CHST11: variants seen among roughly 807,000 people sequenced by gnomAD.
CHST11 encodes the protein C4S-1.
In CHST11, 9 loss-of-function variants were observed where a neutral mutation model predicts 30.4. That is an observed-to-expected ratio of 0.30 (90% CI 0.18 to 0.52). The LOEUF is 0.52. CHST11 is among the 20% of genes least tolerant of loss of function. The pLI, the probability that CHST11 is intolerant of heterozygous loss-of-function variation, is 0.97. For missense variants in CHST11, 348 were observed against 460.6 expected (o/e 0.76, Z 2.24); for synonymous variants, 152 against 187.8 (o/e 0.81, Z 1.56).
At chr12:104,664,851 A>G (rs1262739525) in intron 2 of CHST11, among the ~76,000 whole-genome samples, 2 of 152,232 alleles carry the variant, frequency 1.3e-5, no homozygotes, top group African/African-American at 2.4e-5. Flanking sequence ...CATGTCACCA[A>G]TGTAGGCCCA....
intron 2 of CHST11, among the ~76,000 whole-genome samples, chr12:104,689,975 G>A (rs2039882310): frequency 6.6e-6 from 1 of 151,968 alleles, no homozygotes; most frequent in African/African-American, 2.4e-5. Context: ...AAACTGGGTC[G>A]ATTCAACCCA....
At chr12:104,574,650 A>T (rs1031782583) in intron 1 of CHST11, among the ~76,000 whole-genome samples, 1 of 149,218 alleles carries the variant, frequency 6.7e-6, no homozygotes, top group African/African-American at 2.4e-5. Context: ...ATAGGTGGGA[A>T]TTGAACAATG....
intron 2 of CHST11, among the ~76,000 whole-genome samples, chr12:104,620,888 T>TA (rs2039153070): frequency 6.6e-6 from 1 of 152,200 alleles, no homozygotes; most frequent in Non-Finnish European, 1.5e-5. Flanking sequence ...TTGAGTCTCC[T>TA]TCCCCAGGAT....
intron 1 of CHST11, among the ~76,000 whole-genome samples, chr12:104,483,064 C>G (rs553861212): frequency 2.6e-5 from 4 of 152,248 alleles, no homozygotes; most frequent in African/African-American, 7.2e-5. Context: ...TTCATTGATA[C>G]CCACATGCCT....
intron 1 of CHST11, among the ~76,000 whole-genome samples, chr12:104,562,423 T>C (rs145898923): frequency 2.2e-4 from 33 of 152,238 alleles, no homozygotes; most frequent in Non-Finnish European, 3.4e-4. Flanking sequence ...TGAGTTACTC[T>C]GGTAGGAAAA....
chr12:104,662,770 T>C (rs1396253489), intron 2 of CHST11, among the ~76,000 whole-genome samples: 1 of 152,226 alleles, frequency 6.6e-6, no homozygotes, highest in Non-Finnish European at 1.5e-5. Flanking sequence ...TTTTGTTTTT[T>C]AGGTGTAATA....
At chr12:104,656,364 T>A (rs996730571) in intron 2 of CHST11, among the ~76,000 whole-genome samples, 1 of 152,208 alleles carries the variant, frequency 6.6e-6, no homozygotes, top group African/African-American at 2.4e-5. Flanking sequence ...TCAGGCTCCC[T>A]ACTGCTGAGG....
At chr12:104,724,795 TA>T (rs2040204428) in intron 2 of CHST11, among the ~76,000 whole-genome samples, 1 of 152,202 alleles carries the variant, frequency 6.6e-6, no homozygotes. Context: ...GATGGACTGT[TA>T]AATACAAGAA....
At chr12:104,682,354 TG>T (rs545762588) in intron 2 of CHST11, among the ~76,000 whole-genome samples, 160 of 152,324 alleles carry the variant, frequency 1.1e-3, no homozygotes, top group African/African-American at 3.7e-3. Flanking sequence ...TTCATCTGTC[TG>T]GCCAACCGCC....
chr12:104,720,972 G>A (rs1156939098), intron 2 of CHST11, among the ~76,000 whole-genome samples: 1 of 152,190 alleles, frequency 6.6e-6, no homozygotes, highest in African/African-American at 2.4e-5. Context: ...CATCTCATGT[G>A]CCCCGCAGCG....
intron 2 of CHST11, among the ~76,000 whole-genome samples, chr12:104,634,333 A>G (rs796092579): frequency 8.5e-5 from 13 of 152,286 alleles, no homozygotes; most frequent in African/African-American, 3.1e-4. Context: ...TCTCTGAGGT[A>G]GCTGCATCTT....
intron 2 of CHST11, among the ~76,000 whole-genome samples, chr12:104,654,201 T>C (rs2039520753): frequency 6.6e-6 from 1 of 152,048 alleles, no homozygotes; most frequent in Admixed American, 6.6e-5. Flanking sequence ...GGGAGGGAGC[T>C]CCAAGGCTAC....
chr12:104,696,997 C>T lies in CHST11; in HGVS notation c.205-59952C>T, dbSNP rs530541699. Among the ~76,000 whole-genome samples the T allele has an allele frequency of 2.8e-3, 427 of 152,244 alleles. 2 individuals are homozygous for T. The highest frequency in any genetic ancestry group is 4.2e-3 in the Non-Finnish European group (285 of 68,008). ...CATGTTCCATCATATGATTATATTG[C>T]ATTCTATTTATGTATCTACCTATAG... On this transcript the variant is annotated intron_variant, in intron 2 of 2. Transcript: ENST00000303694.
intron 2 of CHST11, among the ~76,000 whole-genome samples, chr12:104,714,449 A>G (rs1018689012): frequency 6.6e-6 from 1 of 152,192 alleles, no homozygotes; most frequent in African/African-American, 2.4e-5. Context: ...GTGATCTGTC[A>G]GGGCTGGGGC....
At chr12:104,526,420 C>G (rs1041945359) in intron 1 of CHST11, among the ~76,000 whole-genome samples, 1 of 152,180 alleles carries the variant, frequency 6.6e-6, no homozygotes, top group African/African-American at 2.4e-5. Flanking sequence ...CTCTTTTCCC[C>G]AGTTCAGCCG....
At chr12:104,732,402 G>T (rs12320801) in intron 2 of CHST11, among the ~76,000 whole-genome samples, 1 of 152,122 alleles carries the variant, frequency 6.6e-6, no homozygotes, top group South Asian at 2.1e-4. Flanking sequence ...GCTGGTTTTC[G>T]TAAGTTTTGA....
intron 1 of CHST11, among the ~76,000 whole-genome samples, chr12:104,497,573 A>AT (rs2037811262): frequency 6.6e-6 from 1 of 151,358 alleles, no homozygotes; most frequent in Non-Finnish European, 1.5e-5. Flanking sequence ...TACCTCACGT[A>AT]TTAAAAAAAA....
rs750565191 is a variant in CHST11 at position 104,601,962 on chromosome 12, C to A, written c.175C>A (p.Pro59Thr). 30 of 1,614,060 alleles carry A rather than the reference C, an allele frequency of 1.9e-5. No individual in the cohort carries two copies. The Admixed American group carries it at 5.0e-4, about 27-fold the overall frequency. The change falls in exon 2 of 3, where the codon CCC (proline) becomes ACC (threonine). Residue 59 changes from proline to threonine, a missense_variant. Physicochemically the swap from Pro to Thr is conservative, Grantham distance 38. Coordinates refer to ENST00000303694, the MANE Select transcript of CHST11 (RefSeq NM_018413.6). ...DICCRKGSRSPLQELYNPIQL... is the reference protein window; with the variant it reads ...DICCRKGSRSTLQELYNPIQL... ...CTGCTGCCGGAAGGGGTCCCGAAGC[C>A]CCCTGCAGGAACTCTACAACCCAAT...
intron 1 of CHST11, among the ~76,000 whole-genome samples, chr12:104,478,539 A>C (rs890344815): frequency 6.6e-6 from 1 of 152,186 alleles, no homozygotes; most frequent in African/African-American, 2.4e-5. Context: ...AGGGGAAGTG[A>C]GAATAAGTCT....
Sources: gnomAD v4.1 joint callset for allele counts (sites outside exome capture counted in the v4.1 genomes callset) on GRCh38, gnomAD v4.1.1 for gene constraint, MANE v1.5 for transcripts, NCBI Gene and HGNC (gene_info 2026-07-23, HGNC 2026-07-21) for gene names.